Variants in IL20RA observed in about 807,000 individuals in gnomAD.
IL20RA encodes interleukin-20 receptor subunit alpha.
In IL20RA, 29 loss-of-function variants were observed where a neutral mutation model predicts 36.5. The ratio of observed to expected loss-of-function variants is 0.79; its 90% CI spans 0.59 to 1.08. The LOEUF is 1.08. IL20RA is among the 50% of genes least tolerant of loss of function. IL20RA has a pLI of 0.00. For synonymous variants in IL20RA, 279 were observed against 267.1 expected, an observed-to-expected ratio of 1.04 and a Z score of -0.43; for missense variants, 652 against 668.4, an observed-to-expected ratio of 0.98 and a Z score of 0.27.
chr6:137,000,498 T>G lies in IL20RA; in HGVS notation c.*1060A>C, dbSNP rs1774995918. 6.6e-6 allele frequency: 1 copy of G among 151,826 alleles called. No individual in the cohort carries two copies. The highest frequency in any genetic ancestry group is 2.1e-4 in the South Asian group (1 of 4,826). 9.4% of individuals were successfully genotyped at this position (151,826 alleles called of 1,614,324 possible). ...ATGGGAACAGTTACTGGAAATGAAC[T>G]AGAAAGCTATTGTTTTATGGCATAG... On this transcript the variant is annotated 3_prime_UTR_variant, in exon 7 of 7. Coordinates refer to ENST00000316649, the MANE Select transcript of IL20RA (RefSeq NM_014432.4).
intron 2 of IL20RA, among the ~76,000 whole-genome samples, chr6:137,012,680 G>A (rs1448035308): frequency 6.6e-6 from 1 of 152,106 alleles, no homozygotes; most frequent in African/African-American, 2.4e-5. Flanking sequence ...TTTCAGGAGC[G>A]TCAAGATTTA....
In IL20RA at chr6:137,002,071, G is replaced by C; in HGVS notation, c.1149C>G (p.Thr383=). The C allele has an allele frequency of 4.3e-6, 7 of 1,614,078 alleles. No individual in the cohort carries two copies. Among genetic ancestry groups the C allele is most frequent in the Non-Finnish European group, 5.1e-6 (6 of 1,180,012 alleles). The change falls in exon 7 of 7, where the codon ACC becomes ACG. Residue 383 remains threonine (T), a synonymous_variant. Coordinates refer to ENST00000316649, the MANE Select transcript of IL20RA (RefSeq NM_014432.4). ...SEENTEGTSL[T]QQESLSRTIP... ...TTGTTCTGCTGAGGGACTCTTGCTGGGTGAGAGAAGTACCTTCCGTGTTTT... is the reference window on the plus strand; with the variant it reads ...TTGTTCTGCTGAGGGACTCTTGCTGCGTGAGAGAAGTACCTTCCGTGTTTT...
At position 137,004,778 on chromosome 6, in the gene IL20RA, A is replaced by G. The variant is rs1775220350; in HGVS notation, c.725-18T>C. The stretch of plus-strand genomic sequence containing the variant: ...TGATTGATCTGTAAAAAAAAAAAAA[A>G]AGGTGGGAATTCGGGGGAAGGGATT... On this transcript the variant is annotated intron_variant, in intron 5 of 6. Coordinates refer to ENST00000316649, the MANE Select transcript of IL20RA (RefSeq NM_014432.4). 7.9e-7 allele frequency: 1 copy of G among 1,263,216 alleles called. No homozygotes were observed. The highest frequency in any genetic ancestry group is 2.5e-5 in the East Asian group (1 of 40,788). The allele number at this position is 1,263,216 out of a possible 1,614,324, so 78.3% of individuals were successfully genotyped here.
intron 1 of IL20RA, among the ~76,000 whole-genome samples, chr6:137,019,547 T>C (rs1341343141): frequency 2.0e-5 from 3 of 152,196 alleles, no homozygotes; most frequent in Non-Finnish European, 2.9e-5. Context: ...AATTTTATTT[T>C]AATTTAGTTT....
chr6:137,031,574 T>C (rs1280809873), intron 1 of IL20RA, among the ~76,000 whole-genome samples: 1 of 152,216 alleles, frequency 6.6e-6, no homozygotes, highest in Non-Finnish European at 1.5e-5. Flanking sequence ...CCTAGGTGTG[T>C]AGTGGTAGGC....
At chr6:137,012,562 CAT>C (rs144519843) in intron 2 of IL20RA, among the ~76,000 whole-genome samples, 1,545 of 152,152 alleles carry the variant, frequency 0.01, 23 homozygotes, top group African/African-American at 0.034. Flanking sequence ...TCAGGAGAGA[CAT>C]GTGTGTGGGA....
At chr6:137,012,714 G>A (rs9402865) in intron 2 of IL20RA, among the ~76,000 whole-genome samples, 57,356 of 152,048 alleles carry the variant, frequency 0.38, 13,133 homozygotes, top group East Asian at 0.79. Context: ...AAGAAGACCT[G>A]GAAATAGCAA....
intron 3 of IL20RA, 24 bp from the exon 4 acceptor site, chr6:137,009,516 T>A: frequency 1.3e-6 from 2 of 1,511,994 alleles, no homozygotes; most frequent in Non-Finnish European, 9.2e-7. Flanking sequence ...AAAGAGGGTA[T>A]TATCATGTTC....
chr6:137,016,968 A>G lies in IL20RA; in HGVS notation c.224T>C (p.Ile75Thr), dbSNP rs1463912330. Residue 75 changes from isoleucine to threonine, a missense_variant and splice_region_variant, in exon 2 of 7, where the codon ATA becomes ACA. Transcript: ENST00000316649. ...VKVTYTVQYFIYGQKKWLNKS... is the reference protein window; with the variant it reads ...VKVTYTVQYFTYGQKKWLNKS... ...GCCAAAAGGAAAAGAAGAAACTTAC[A>G]TGAAATACTGCACAGTGTAAGTAAC... 6 of 1,612,966 alleles carry G rather than the reference A, an allele frequency of 3.7e-6. No individual in the cohort carries two copies. The highest frequency in any genetic ancestry group is 5.1e-6 in the Non-Finnish European group (6 of 1,179,538).
chr6:137,014,256 T>C (rs1221792648), intron 2 of IL20RA, among the ~76,000 whole-genome samples: 1 of 152,204 alleles, frequency 6.6e-6, no homozygotes, highest in Non-Finnish European at 1.5e-5. Context: ...TTTGAAAATA[T>C]GGTAAATTTT....
chr6:137,043,628 T>C (rs1776782765), intron 1 of IL20RA, among the ~76,000 whole-genome samples: 1 of 152,234 alleles, frequency 6.6e-6, no homozygotes, highest in Non-Finnish European at 1.5e-5. Context: ...GTTGTAACTA[T>C]ATTGAATTTA....
intron 1 of IL20RA, among the ~76,000 whole-genome samples, chr6:137,035,496 A>G (rs1440947461): frequency 6.6e-6 from 1 of 152,220 alleles, no homozygotes; most frequent in Admixed American, 6.5e-5. Context: ...TTACTTGTCT[A>G]TATTTCTCTG....
At chr6:137,019,039 G>A (rs1258461222) in intron 1 of IL20RA, among the ~76,000 whole-genome samples, 1 of 152,172 alleles carries the variant, frequency 6.6e-6, no homozygotes, top group East Asian at 1.9e-4. Context: ...ATAGAAAACA[G>A]AAGTTATCTT....
chr6:137,034,384 ATTTAT>A (rs1015298643), intron 1 of IL20RA, among the ~76,000 whole-genome samples: 12 of 152,124 alleles, frequency 7.9e-5, no homozygotes, highest in South Asian at 2.1e-4. Context: ...AAAGACCTGA[ATTTAT>A]TTTATTTTTT....
chr6:137,001,338 C>T lies in IL20RA; in HGVS notation c.*220G>A. On this transcript the variant is annotated 3_prime_UTR_variant, in exon 7 of 7. Transcript: ENST00000316649. ...TGCTTTCTCTGCATAGAACAACCGG[C>T]CAGCCCCTGGACTCCAGAGGCCCAC... The T allele has an allele frequency of 2.4e-6, 1 of 418,934 alleles. No homozygotes were observed. The highest frequency in any genetic ancestry group is 7.0e-5 in the South Asian group (1 of 14,286). The allele number at this position is 418,934 out of a possible 1,614,324, so 26.0% of individuals were successfully genotyped here.
intron 5 of IL20RA, among the ~76,000 whole-genome samples, chr6:137,005,253 T>A (rs567561257): frequency 2.2e-4 from 34 of 152,326 alleles, no homozygotes; most frequent in African/African-American, 7.7e-4. Context: ...GCCACTTTTA[T>A]ATGAGTAGCA....
rs543176650 is a variant in IL20RA at position 137,011,515 on chromosome 6, A to C, written c.225-63T>G. 6.3e-6 allele frequency: 7 copies of C among 1,116,062 alleles called. No homozygotes were observed. The South Asian group carries it at 1.4e-4, about 22-fold the overall frequency. 69.1% of individuals were successfully genotyped at this position (1,116,062 alleles called of 1,614,324 possible). ...TCTATACTTTACAATAAAAAAACTC[A>C]GTCATTTTATAAAACTGAATGGAAC... On this transcript the variant is annotated intron_variant, in intron 2 of 6. Coordinates refer to ENST00000316649, the MANE Select transcript of IL20RA (RefSeq NM_014432.4).
At chr6:137,032,008 G>A (rs573880769) in intron 1 of IL20RA, among the ~76,000 whole-genome samples, 18 of 145,674 alleles carry the variant, frequency 1.2e-4, no homozygotes, top group East Asian at 1.0e-3. Flanking sequence ...AGCCAAGATC[G>A]TGCCACTGCA....
rs774339900 is a variant in IL20RA at position 137,008,671 on chromosome 6, C to T, written c.652G>A (p.Val218Met). The T allele has an allele frequency of 1.2e-5, 20 of 1,609,100 alleles. No homozygotes were observed. The highest frequency in any genetic ancestry group is 1.7e-5 in the Admixed American group (1 of 59,460). The part of the protein sequence containing the change: ...LEPNTLYCVH[V>M]ESFVPGPPRR... ...GGGGGCCCTGGGACGAAGGACTCCA[C>T]GTGTACGCAGTAAAGAGTGTTCGGC... Residue 218 changes from valine (V) to methionine (M), a missense_variant, in exon 5 of 7, where the codon GTG becomes ATG. Transcript: ENST00000316649.
Sources: gnomAD v4.1 joint callset for allele counts (sites outside exome capture counted in the v4.1 genomes callset) on GRCh38, gnomAD v4.1.1 for gene constraint, MANE v1.5 for transcripts, NCBI Gene and HGNC (gene_info 2026-07-23, HGNC 2026-07-21) for gene names.